Variants in PCYT1A observed in about 807,000 individuals in gnomAD.
The protein encoded by PCYT1A is phosphate cytidylyltransferase 1A, choline.
A neutral mutation model predicts 43.7 loss-of-function variants in PCYT1A; 25 were observed. That is an observed-to-expected ratio of 0.57 (90% CI 0.42 to 0.80). PCYT1A has a LOEUF of 0.80. Among genes scored for constraint, PCYT1A ranks in the 30% least tolerant of loss-of-function variants. The pLI, the probability that PCYT1A is intolerant of heterozygous loss-of-function variation, is 0.00. For synonymous variants in PCYT1A, 172 were observed against 170.7 expected (o/e 1.01, Z -0.06); for missense variants, 421 against 474.2 (o/e 0.89, Z 1.04).
At position 196,238,564 on chromosome 3, in the gene PCYT1A, C is replaced by T. The variant is rs1724245492; in HGVS notation, c.*124G>A. Reference sequence around the variant, plus strand: ...GTTCCCCCAGTCCTAGGTCTTCTTTCCCCAGTTGTCTTTCCTTTGTAGCTG... The same window carrying T: ...GTTCCCCCAGTCCTAGGTCTTCTTTTCCCAGTTGTCTTTCCTTTGTAGCTG... On this transcript the variant is annotated 3_prime_UTR_variant, in exon 9 of 9. Coordinates refer to ENST00000431016, the MANE Select transcript of PCYT1A (RefSeq NM_001312673.2). 7.6e-6 allele frequency: 5 copies of T among 660,984 alleles called. No homozygotes were observed. The highest frequency in any genetic ancestry group is 1.2e-5 in the Non-Finnish European group (5 of 405,372). 40.9% of individuals were successfully genotyped at this position (660,984 alleles called of 1,614,324 possible). A position where few individuals can be genotyped will look rare whatever the true frequency, so the allele number is the denominator to read the frequency against.
chr3:196,263,068 C>T (rs1577367621), intron 2 of PCYT1A, among the ~76,000 whole-genome samples: 1 of 152,184 alleles, frequency 6.6e-6, no homozygotes, highest in African/African-American at 2.4e-5. Flanking sequence ...GCTGGGATTA[C>T]AGGCGTGAGC....
chr3:196,242,473 T>A lies in PCYT1A; in HGVS notation c.565+89A>T, dbSNP rs750974631. 1 of 887,874 alleles carries A rather than the reference T, an allele frequency of 1.1e-6. No homozygotes were observed. Among genetic ancestry groups the A allele is most frequent in the Non-Finnish European group, 1.9e-6 (1 of 517,608 alleles). 55.0% of individuals were successfully genotyped at this position (887,874 alleles called of 1,614,324 possible). ...GAAAGAGGATGTTGAATTTCTAATG[T>A]ACACATTTTCCTCTGTAAAGCAGCA... On this transcript the variant is annotated intron_variant, in intron 6 of 8. Coordinates refer to ENST00000431016, the MANE Select transcript of PCYT1A (RefSeq NM_001312673.2). The surrounding 1 kb of genome is among the most constrained non-coding windows in gnomAD (Gnocchi z 4.2).
intron 1 of PCYT1A, among the ~76,000 whole-genome samples, chr3:196,284,869 G>A (rs1377072758): frequency 6.6e-6 from 1 of 152,194 alleles, no homozygotes; most frequent in Non-Finnish European, 1.5e-5. Context: ...AAGCATAGAT[G>A]CTGTTCTAGA....
Position 196,241,663 on chromosome 3 carries a change from AAG to A in PCYT1A, c.708+283_708+284del, listed in dbSNP as rs1232482958. 56 of 1,376,006 alleles carry A rather than the reference AAG, an allele frequency of 4.1e-5. No homozygotes were observed. In the African/African-American group the frequency reaches 8.0e-4, roughly 20 times the overall value. The allele number at this position is 1,376,006 out of a possible 1,614,324, so 85.2% of individuals were successfully genotyped here. A position where few individuals can be genotyped will look rare whatever the true frequency, so the allele number is the denominator to read the frequency against. On this transcript the variant is annotated intron_variant, in intron 7 of 8. Coordinates refer to ENST00000431016, the MANE Select transcript of PCYT1A (RefSeq NM_001312673.2). ...CAACCGAAGAAGAGAGAGGAAGTTT[AAG>A]AGACACCGTTTTCCATTTATTGACA... is the stretch of plus-strand genomic sequence containing the variant.
rs1724825286 is a variant in PCYT1A, at chr3:196,252,179, T to TGGCTACAGTGCACACCGCC, written c.218-3857_218-3856insGGCGGTGTGCACTGTAGCC. On this transcript the variant is annotated intron_variant, in intron 3 of 8. Transcript: ENST00000431016. This position sits in a 1 kb window ranked among gnomAD's most constrained non-coding sequence, Gnocchi z 4.0. ...CCCCACTGGCTACAGCGCACACCAC[T>TGGCTACAGTGCACACCGCC]ACGCTCAGCTGATTTTTGTATTTTT... Among the ~76,000 whole-genome samples the TGGCTACAGTGCACACCGCC allele has an allele frequency of 1.3e-5, 2 of 150,200 alleles. No homozygotes were observed. Among genetic ancestry groups the TGGCTACAGTGCACACCGCC allele is most frequent in the African/African-American group, 5.0e-5 (2 of 39,608 alleles).
At chr3:196,249,208 G>A (rs546478832) in intron 3 of PCYT1A, among the ~76,000 whole-genome samples, 2 of 151,696 alleles carry the variant, frequency 1.3e-5, no homozygotes, top group South Asian at 2.1e-4. Flanking sequence ...GTGCACTGAT[G>A]TGGTCACAGC....
chr3:196,273,516 G>A lies in PCYT1A; in HGVS notation c.-10-2975C>T, dbSNP rs1725496969. Among the ~76,000 whole-genome samples the A allele has an allele frequency of 6.6e-6, 1 of 152,186 alleles. No homozygotes were observed. The highest frequency in any genetic ancestry group is 1.5e-5 in the Non-Finnish European group (1 of 68,026). On this transcript the variant is annotated intron_variant, in intron 1 of 8. Transcript: ENST00000431016. This position sits in a 1 kb window ranked among gnomAD's most constrained non-coding sequence, Gnocchi z 4.1. ...AACAGCCCTCAGGAGACCCCAAGCG[G>A]GTAGCTCCTTTCCGCAGCAGGTCGT...
rs190322948 is a variant in PCYT1A, at chr3:196,270,273, G to A, written c.117+142C>T. ...CAACTGAGCTGTGAGTCATAATCCA[G>A]TAAAAAGGCAGCAGATTTCCAGTGA... On this transcript the variant is annotated intron_variant, in intron 2 of 8. Transcript: ENST00000431016. The A allele has an allele frequency of 2.3e-5, 16 of 700,624 alleles. No individual in the cohort carries two copies. In the East Asian group the frequency reaches 3.7e-4, roughly 16 times the overall value. 43.4% of individuals were successfully genotyped at this position (700,624 alleles called of 1,614,324 possible). A position where few individuals can be genotyped will look rare whatever the true frequency, so the allele number is the denominator to read the frequency against.
rs1724295362 is a variant in PCYT1A at position 196,239,767 on chromosome 3, A to T, written c.709-32T>A. ...AAAGAAATAACTCTTCTGAGAAATA[A>T]TGCTCATCCTAAACTTCTCTACCAT... is the stretch of plus-strand genomic sequence containing the variant. On this transcript the variant is annotated intron_variant, in intron 7 of 8. Coordinates refer to ENST00000431016, the MANE Select transcript of PCYT1A (RefSeq NM_001312673.2). 2.1e-6 allele frequency: 3 copies of T among 1,427,072 alleles called. No individual in the cohort carries two copies. In the South Asian group the frequency reaches 3.5e-5, roughly 16 times the overall value. The allele number at this position is 1,427,072 out of a possible 1,614,324, so 88.4% of individuals were successfully genotyped here.
At position 196,247,956 on chromosome 3, in the gene PCYT1A, G is replaced by A. The variant is rs555889875; in HGVS notation, c.334+251C>T. The A allele has an allele frequency of 3.9e-5, 21 of 535,944 alleles. No individual in the cohort carries two copies. Among genetic ancestry groups the A allele is most frequent in the Admixed American group, 1.3e-4 (4 of 31,558 alleles). The allele number at this position is 535,944 out of a possible 1,614,324, so 33.2% of individuals were successfully genotyped here. ...TTTTAAAGTGGACAACGGAAGTCAC[G>A]GCTGCTCCTGTGACCACAGAAACTC... On this transcript the variant is annotated intron_variant, in intron 4 of 8. Coordinates refer to ENST00000431016, the MANE Select transcript of PCYT1A (RefSeq NM_001312673.2). The surrounding 1 kb of genome is among the most constrained non-coding windows in gnomAD (Gnocchi z 4.8).
At chr3:196,275,741 G>GA (rs200596797) in intron 1 of PCYT1A, among the ~76,000 whole-genome samples, 36,756 of 140,274 alleles carry the variant, frequency 0.26, 5,750 homozygotes, top group East Asian at 0.76. Context: ...CAACAAAAAA[G>GA]AAAAAAAAAA....
rs995298113 is a variant in PCYT1A at position 196,252,083 on chromosome 3, G to A, written c.218-3760C>T. On this transcript the variant is annotated intron_variant, in intron 3 of 8. Coordinates refer to ENST00000431016, the MANE Select transcript of PCYT1A (RefSeq NM_001312673.2). The surrounding 1 kb of genome is among the most constrained non-coding windows in gnomAD (Gnocchi z 4.0). ...ACCACCACGCCCCGCTGACTACAGCGCACCCCGCCACGCCCCGCAGACTAC... is the reference window on the plus strand; with the variant it reads ...ACCACCACGCCCCGCTGACTACAGCACACCCCGCCACGCCCCGCAGACTAC... 3.9e-4 allele frequency among the ~76,000 whole-genome samples: 59 copies of A among 150,370 alleles called. No homozygotes were observed. The highest frequency in any genetic ancestry group is 1.3e-3 in the African/African-American group (54 of 40,996).
rs530412436 is a variant in PCYT1A at position 196,278,673 on chromosome 3, CT to C, written c.-10-8133del. The stretch of plus-strand genomic sequence containing the variant: ...GTTTAGTGGTTCATCCTCCAGAACA[CT>C]TTCTTTGTCAAAAAGGCTATAACAG... On this transcript the variant is annotated intron_variant, in intron 1 of 8. Transcript: ENST00000431016. Among the ~76,000 whole-genome samples the C allele has an allele frequency of 4.6e-5, 7 of 152,264 alleles. 1 individual carries two copies. Among genetic ancestry groups the C allele is most frequent in the Admixed American group, 4.6e-4 (7 of 15,296 alleles).
rs1324033045 is a variant in PCYT1A at position 196,252,116 on chromosome 3, C to CCCGCCACGCCCCACTGGCTACAGTGCACA, written c.218-3822_218-3794dup. On this transcript the variant is annotated intron_variant, in intron 3 of 8. Coordinates refer to ENST00000431016, the MANE Select transcript of PCYT1A (RefSeq NM_001312673.2). This position sits in a 1 kb window ranked among gnomAD's most constrained non-coding sequence, Gnocchi z 4.0. Reference sequence around the variant, plus strand: ...CCACGCCCCGCAGACTACAGCGCACCCCGCCACGCCCCACTGGCTACAGTG... The same window carrying CCCGCCACGCCCCACTGGCTACAGTGCACA: ...CCACGCCCCGCAGACTACAGCGCACCCCGCCACGCCCCACTGGCTACAGTGCACACCGCCACGCCCCACTGGCTACAGTG... Among the ~76,000 whole-genome samples the CCCGCCACGCCCCACTGGCTACAGTGCACA allele has an allele frequency of 2.0e-5, 3 of 151,326 alleles. No homozygotes were observed. Among genetic ancestry groups the CCCGCCACGCCCCACTGGCTACAGTGCACA allele is most frequent in the Non-Finnish European group, 3.0e-5 (2 of 67,670 alleles).
chr3:196,256,054 T>A (rs1349156626), intron 3 of PCYT1A, among the ~76,000 whole-genome samples: 1 of 152,200 alleles, frequency 6.6e-6, no homozygotes, highest in Non-Finnish European at 1.5e-5. Flanking sequence ...AATCTTATCA[T>A]GAATCAGAAG....
In PCYT1A at chr3:196,254,214, G is replaced by GACGGGGTTTC. The variant is rs566526628; in HGVS notation, c.217+3564_217+3573dup. ...GCTAATTTTTTATATTTTTAGTAGA[G>GACGGGGTTTC]ACGGGGTTTCACCATGTTAGCCAGG... On this transcript the variant is annotated intron_variant, in intron 3 of 8. Coordinates refer to ENST00000431016, the MANE Select transcript of PCYT1A (RefSeq NM_001312673.2). 7.6e-3 allele frequency among the ~76,000 whole-genome samples: 1,156 copies of GACGGGGTTTC among 151,536 alleles called. 14 individuals are homozygous for GACGGGGTTTC. The highest frequency in any genetic ancestry group is 0.027 in the African/African-American group (1,107 of 41,386).
At chr3:196,284,412 T>C (rs1389196537) in intron 1 of PCYT1A, among the ~76,000 whole-genome samples, 1 of 152,130 alleles carries the variant, frequency 6.6e-6, no homozygotes, top group African/African-American at 2.4e-5. Flanking sequence ...CAAAATTTGG[T>C]AAGTTCACAT....
chr3:196,271,143 G>A (rs1195805957), intron 1 of PCYT1A, among the ~76,000 whole-genome samples: 2 of 151,922 alleles, frequency 1.3e-5, no homozygotes, highest in Non-Finnish European at 2.9e-5. Flanking sequence ...TCTTGCCCCA[G>A]CCTCCCAAGT....
chr3:196,265,813 CT>C (rs201716844), intron 2 of PCYT1A, among the ~76,000 whole-genome samples: 55,626 of 151,748 alleles, frequency 0.37, 10,886 homozygotes, highest in East Asian at 0.81. Context: ...TCTCAGCTCA[CT>C]TGCAAACTCC....
Sources: gnomAD v4.1 joint callset for allele counts (sites outside exome capture counted in the v4.1 genomes callset) on GRCh38, gnomAD v4.1.1 for gene constraint, Gnocchi (gnomAD v3.1) non-coding constraint, MANE v1.5 for transcripts, NCBI Gene and HGNC (gene_info 2026-07-23, HGNC 2026-07-21) for gene names.